The following MYOF variants were observed in gnomAD, a reference collection of about 807,000 sequenced individuals.
MYOF encodes the protein fer-1-like 3, myoferlin.
MYOF carries 244 observed loss-of-function variants against 284.2 expected under a neutral mutation model. That is an observed-to-expected ratio of 0.86 (90% CI 0.77 to 0.95). The LOEUF (loss-of-function observed/expected upper bound fraction) is 0.95. Ranked by LOEUF, MYOF falls within the 40% of genes least tolerant of loss-of-function variation. The pLI, the probability that MYOF is intolerant of heterozygous loss-of-function variation, is 0.00. For missense variants in MYOF, 2,496 were observed against 2,560.6 expected (o/e 0.97, Z 0.54); for synonymous variants, 904 against 919.7 (o/e 0.98, Z 0.31).
At chr10:93,338,567 G>C (rs941799610) in intron 39 of MYOF, 12 of 452,092 alleles carry the variant, frequency 2.7e-5, no homozygotes, top group Non-Finnish European at 4.9e-5. Context: ...AAATCATATG[G>C]GATCTTTAGG....
At chr10:93,334,942 T>C (rs75408015) in intron 41 of MYOF, among the ~76,000 whole-genome samples, 3,257 of 152,242 alleles carry the variant, frequency 0.021, 125 homozygotes, top group African/African-American at 0.074. Context: ...AGGCAAAGGA[T>C]TATAAAGCAG....
At chr10:93,331,362 G>A (rs1382627633) in intron 43 of MYOF, among the ~76,000 whole-genome samples, 1 of 152,162 alleles carries the variant, frequency 6.6e-6, no homozygotes, top group Non-Finnish European at 1.5e-5. Flanking sequence ...GGGGAAGTCT[G>A]CCCATCCGCC....
intron 1 of MYOF, among the ~76,000 whole-genome samples, chr10:93,476,900 C>T (rs1407316657): frequency 6.6e-6 from 1 of 152,016 alleles, no homozygotes; most frequent in Non-Finnish European, 1.5e-5. Context: ...GTAGCAGTAG[C>T]CATTCCACAA....
chr10:93,367,448 T>G (rs779209303), intron 25 of MYOF, among the ~76,000 whole-genome samples: 1 of 152,018 alleles, frequency 6.6e-6, no homozygotes, highest in Non-Finnish European at 1.5e-5. Flanking sequence ...GATTAGGAAA[T>G]TGGAATCAAG....
In MYOF at chr10:93,425,232, C is replaced by T. The variant is rs568148984; in HGVS notation, c.433+839G>A. Among the ~76,000 whole-genome samples the T allele has an allele frequency of 1.4e-3, 206 of 152,260 alleles. 1 individual carries two copies. Among genetic ancestry groups the T allele is most frequent in the African/African-American group, 4.2e-3 (174 of 41,566 alleles). ...TTGGGATTACAGGCATGAGCCACCA[C>T]GCCCAGCCAGGAGGGAGAGTTTCAA... On this transcript the variant is annotated intron_variant, in intron 5 of 53. Transcript: ENST00000359263.
In MYOF at chr10:93,333,191, G is replaced by A. The variant is rs569470202; in HGVS notation, c.4811+30C>T. On this transcript the variant is annotated intron_variant, in intron 43 of 53. Transcript: ENST00000359263. Reference sequence around the variant, plus strand: ...ATGCATGTTCCGTGGAGAAATGAAGGCCAGAAAAACATTTAAGAATGTATA... The same window carrying A: ...ATGCATGTTCCGTGGAGAAATGAAGACCAGAAAAACATTTAAGAATGTATA... 5.1e-6 allele frequency: 8 copies of A among 1,563,598 alleles called. No individual in the cohort carries two copies. In the South Asian group the frequency reaches 7.8e-5, roughly 15 times the overall value.
intron 3 of MYOF, among the ~76,000 whole-genome samples, chr10:93,431,883 T>C (rs954223646): frequency 2.6e-5 from 4 of 151,722 alleles, no homozygotes; most frequent in Non-Finnish European, 5.9e-5. Context: ...ATAGCTGGGA[T>C]TATAGGCACC....
rs772329633 is a variant in MYOF, at chr10:93,329,616, C to G, written c.4982+48G>C. The G allele has an allele frequency of 6.2e-6, 10 of 1,607,918 alleles. No homozygotes were observed. The African/African-American group carries it at 1.3e-4, about 22-fold the overall frequency. On this transcript the variant is annotated intron_variant, in intron 44 of 53. Coordinates refer to ENST00000359263, the MANE Select transcript of MYOF (RefSeq NM_013451.4). ...AGAGGGCCTAGGCCTCCCCAGGTGC[C>G]AATGTCAGAGGCAGCAAAGTGCCTC...
At chr10:93,477,661 A>G (rs1343753115) in intron 1 of MYOF, among the ~76,000 whole-genome samples, 4 of 151,878 alleles carry the variant, frequency 2.6e-5, no homozygotes, top group Non-Finnish European at 4.4e-5. Flanking sequence ...AGCCTGACCA[A>G]CATGGTGAAA....
chr10:93,409,652 G>C lies in MYOF; in HGVS notation c.521C>G (p.Ser174Trp). 6.2e-7 allele frequency: 1 copy of C among 1,614,174 alleles called. No individual in the cohort carries two copies. Among genetic ancestry groups the C allele is most frequent in the Non-Finnish European group, 8.5e-7 (1 of 1,180,034 alleles). The change falls in exon 6 of 54, where the codon TCG becomes TGG. Residue 174 changes from serine to tryptophan, a missense_variant. By Grantham distance (177) the Ser-to-Trp change is radical. This residue lies in a region of MYOF where 2,436 missense variants were observed against 2,480.7 expected (regional missense o/e 0.98). Transcript: ENST00000359263. ...PGPKGPVGTV[S>W]EAQLARRLTK... ...GAGCCTCCGAGCAAGCTGAGCTTCCGACACCGTCCCAACTGGCCCCTTGGG... is the reference window on the plus strand; with the variant it reads ...GAGCCTCCGAGCAAGCTGAGCTTCCCACACCGTCCCAACTGGCCCCTTGGG...
intron 15 of MYOF, 48 bp downstream of exon 15, chr10:93,397,199 C>A: frequency 7.0e-7 from 1 of 1,426,042 alleles, no homozygotes. Context: ...TCACAATATC[C>A]AATGTTTATT....
Position 93,401,541 on chromosome 10 carries a change from C to G in MYOF, c.994G>C (p.Glu332Gln). Residue 332 changes from glutamate to glutamine, a missense_variant, in exon 12 of 54, where the codon GAG (glutamate) becomes CAG (glutamine). This residue lies in a region of MYOF where 2,436 missense variants were observed against 2,480.7 expected (regional missense o/e 0.98). Transcript: ENST00000359263. ...VLGTGDEPPP[E>Q]RRDRDNDSDD... The stretch of plus-strand genomic sequence containing the variant: ...CTGTCATTATCACGATCTCGTCTCT[C>G]AGGCTATTAGGGGCACATGATTTAA... The G allele has an allele frequency of 4.3e-6, 7 of 1,614,050 alleles. No homozygotes were observed. Among genetic ancestry groups the G allele is most frequent in the African/African-American group, 1.3e-5 (1 of 75,040 alleles).
intron 1 of MYOF, among the ~76,000 whole-genome samples, chr10:93,459,926 T>G (rs925490247): frequency 2.6e-5 from 4 of 151,506 alleles, no homozygotes; most frequent in Admixed American, 2.6e-4. Context: ...CTTGGGGGGG[T>G]GGAGAACTGA....
At chr10:93,324,341 C>T (rs1408841039) in intron 46 of MYOF, 1 of 152,216 alleles carries the variant, frequency 6.6e-6, no homozygotes, top group Non-Finnish European at 1.5e-5. Context: ...TTAAGTGGAG[C>T]TCTTGAAAAG....
intron 32 of MYOF, among the ~76,000 whole-genome samples, 191 bp downstream of exon 32, chr10:93,353,620 A>G (rs1208374758): frequency 6.6e-6 from 1 of 152,224 alleles, no homozygotes; most frequent in African/African-American, 2.4e-5. Flanking sequence ...ACTAGGACCC[A>G]GCAATGGTGC....
chr10:93,315,156 A>G (rs879538817), intron 50 of MYOF, among the ~76,000 whole-genome samples: 4 of 152,222 alleles, frequency 2.6e-5, no homozygotes, highest in Admixed American at 2.6e-4. Context: ...CTCTTAACTA[A>G]GCACTTAGTC....
chr10:93,480,010 T>A (rs2057352931), intron 1 of MYOF, among the ~76,000 whole-genome samples: 1 of 152,208 alleles, frequency 6.6e-6, no homozygotes, highest in Admixed American at 6.5e-5. Flanking sequence ...TTCAATATAG[T>A]ATTAACTCCA....
At chr10:93,326,078 G>C (rs1187374809) in intron 45 of MYOF, 113 bp from the exon 46 acceptor site, 1 of 1,325,354 alleles carries the variant, frequency 7.5e-7, no homozygotes, top group Non-Finnish European at 1.1e-6. Flanking sequence ...TGGACAGGCA[G>C]TGCCAACATG....
intron 1 of MYOF, among the ~76,000 whole-genome samples, chr10:93,480,467 C>CATT (rs2057362312): frequency 4.2e-5 from 3 of 71,766 alleles, no homozygotes; most frequent in African/African-American, 1.7e-4. Flanking sequence ...AATTTGCCAG[C>CATT]TTTTTTTTTT....
Sources: allele counts gnomAD v4.1 joint callset (sites outside exome capture counted in the v4.1 genomes callset), GRCh38; gene constraint gnomAD v4.1.1; regional missense constraint gnomAD v4.1.1; transcripts MANE v1.5; gene names NCBI Gene and HGNC (gene_info 2026-07-23, HGNC 2026-07-21).